The following NXPE4 variants were observed in gnomAD, a reference collection of about 807,000 sequenced individuals.
NXPE4 encodes the protein neurexophilin and PC-esterase domain family member 4.
Under a neutral mutation model 33.3 loss-of-function variants are expected in NXPE4, and 42 were observed. The observed-to-expected ratio is 1.26, with a 90% confidence interval of 0.98 to 1.63. The LOEUF (loss-of-function observed/expected upper bound fraction) is 1.63. NXPE4 is among the 40% of genes most tolerant of loss of function. NXPE4 has a pLI of 0.00. For synonymous variants in NXPE4, 253 were observed against 234.9 expected, an observed-to-expected ratio of 1.08 and a Z score of -0.71; for missense variants, 709 against 647.6, an observed-to-expected ratio of 1.09 and a Z score of -1.03.
At chr11:114,604,123 C>T in the NXPE4 span, among the ~76,000 whole-genome samples, 1 of 152,006 alleles carries the variant, frequency 6.6e-6, no homozygotes, top group Admixed American at 6.6e-5. Context: ...TAAGTATTGC[C>T]TCATAGGTAA....
chr11:114,644,411 T>C, the NXPE4 span, among the ~76,000 whole-genome samples: 2 of 152,190 alleles, frequency 1.3e-5, no homozygotes, highest in African/African-American at 2.4e-5. Context: ...TTGCTCTTAT[T>C]ATTTTGAGAT....
intron 5 of NXPE4, among the ~76,000 whole-genome samples, chr11:114,579,776 G>T (rs1949093231): frequency 6.6e-6 from 1 of 152,204 alleles, no homozygotes; most frequent in Admixed American, 6.5e-5. Context: ...AACCCAGGTT[G>T]TCTGGTTCTA....
At chr11:114,584,897 T>C (rs111623387) in intron 2 of NXPE4, among the ~76,000 whole-genome samples, 98 of 152,298 alleles carry the variant, frequency 6.4e-4, no homozygotes, top group African/African-American at 2.3e-3. Flanking sequence ...CCTTGCCACC[T>C]ATCCCTCTGC....
chr11:114,589,318 C>T (rs565450989), intron 2 of NXPE4, among the ~76,000 whole-genome samples: 1 of 152,092 alleles, frequency 6.6e-6, no homozygotes, highest in East Asian at 1.9e-4. Flanking sequence ...CACAGGAGGC[C>T]CAGGTAATTC....
At chr11:114,607,885 C>T in the NXPE4 span, among the ~76,000 whole-genome samples, 3 of 146,008 alleles carry the variant, frequency 2.1e-5, no homozygotes, top group East Asian at 4.2e-4. Context: ...ATAGTAAGTA[C>T]TGCCTCGTGG....
intron 2 of NXPE4, among the ~76,000 whole-genome samples, chr11:114,585,561 C>A (rs954886749): frequency 6.6e-6 from 1 of 151,750 alleles, no homozygotes; most frequent in African/African-American, 2.4e-5. Context: ...ATAAAGAGAT[C>A]AATTCATCAA....
the NXPE4 span, among the ~76,000 whole-genome samples, chr11:114,631,013 G>A: frequency 6.6e-6 from 1 of 151,228 alleles, no homozygotes; most frequent in African/African-American, 2.4e-5. Context: ...TCATTAAAAA[G>A]TCAGGAAACA....
At chr11:114,601,757 A>G in the NXPE4 span, among the ~76,000 whole-genome samples, 1 of 72,552 alleles carries the variant, frequency 1.4e-5, no homozygotes, top group Non-Finnish European at 2.4e-5. Flanking sequence ...TATATAATAT[A>G]TATGTGATTA....
intron 5 of NXPE4, among the ~76,000 whole-genome samples, chr11:114,574,309 A>C (rs1378851752): frequency 1.3e-5 from 2 of 152,078 alleles, no homozygotes; most frequent in Non-Finnish European, 2.9e-5. Flanking sequence ...AACTGGAGAA[A>C]CAAGAATAAT....
chr11:114,626,215 TG>T, the NXPE4 span, among the ~76,000 whole-genome samples: 3 of 152,178 alleles, frequency 2.0e-5, no homozygotes, highest in African/African-American at 7.2e-5. Flanking sequence ...GCTCCACCTC[TG>T]GGGGCAGGGC....
intron 2 of NXPE4, among the ~76,000 whole-genome samples, chr11:114,589,115 T>G (rs557229284): frequency 6.6e-6 from 1 of 151,884 alleles, no homozygotes; most frequent in Non-Finnish European, 1.5e-5. Flanking sequence ...TCAGAGGACT[T>G]TAAAAAGGAT....
chr11:114,617,421 C>A, the NXPE4 span, among the ~76,000 whole-genome samples: 1 of 151,732 alleles, frequency 6.6e-6, no homozygotes, highest in South Asian at 2.1e-4. Flanking sequence ...ACCACTGTTA[C>A]CGGGTGGATA....
the NXPE4 span, among the ~76,000 whole-genome samples, chr11:114,638,441 G>C: frequency 6.6e-6 from 1 of 151,856 alleles, no homozygotes; most frequent in African/African-American, 2.4e-5. Context: ...TAGTTTGATT[G>C]TCTGAAGCCT....
intron 5 of NXPE4, among the ~76,000 whole-genome samples, chr11:114,572,456 A>G (rs581199): frequency 0.013 from 1,906 of 152,296 alleles, 45 homozygotes; most frequent in African/African-American, 0.043. Flanking sequence ...TCCAACTTAA[A>G]TTAAAAACAT....
rs543768356 is a variant in NXPE4, at chr11:114,595,060, AG to A, written c.-10-292del. Among the ~76,000 whole-genome samples, 8 of 152,254 alleles carry A rather than the reference AG, an allele frequency of 5.3e-5. No homozygotes were observed. The South Asian group carries it at 1.7e-3, about 32-fold the overall frequency. On this transcript the variant is annotated intron_variant, in intron 1 of 5. Coordinates refer to ENST00000375478, the MANE Select transcript of NXPE4 (RefSeq NM_001077639.2). ...GAAGGATGCAAGCTTGCTCGTGTCTAGATGAAGTCTCCAGACTATTTGTCAC... is the reference window on the plus strand; with the variant it reads ...GAAGGATGCAAGCTTGCTCGTGTCTAATGAAGTCTCCAGACTATTTGTCAC...
chr11:114,582,341 AG>A lies in NXPE4; in HGVS notation c.776del (p.Ser259LeufsTer24). On this transcript the variant is annotated frameshift_variant, in exon 3 of 6. Coordinates refer to ENST00000375478, the MANE Select transcript of NXPE4 (RefSeq NM_001077639.2). LOFTEE classifies it high-confidence loss of function. ...TAAGATAAGAAACTTTCTTGTTCTT[AG>A]AATACATGTGAGTGAGTGCAGCACA... is the stretch of plus-strand genomic sequence containing the variant. ...MPCAALTHMY[S>X]KNKKVSYLSK... is the part of the protein sequence containing the mutation. The A allele has an allele frequency of 6.2e-7, 1 of 1,603,778 alleles. No homozygotes were observed. The highest frequency in any genetic ancestry group is 8.5e-7 in the Non-Finnish European group (1 of 1,174,262).
chr11:114,631,684 G>T, the NXPE4 span, among the ~76,000 whole-genome samples: 1 of 150,942 alleles, frequency 6.6e-6, no homozygotes. Flanking sequence ...TATAAAAAAA[G>T]TATTGCCTCG....
At chr11:114,619,670 G>A in the NXPE4 span, among the ~76,000 whole-genome samples, 3 of 152,062 alleles carry the variant, frequency 2.0e-5, no homozygotes, top group Non-Finnish European at 2.9e-5. Context: ...GTTGCCTTGT[G>A]GGTAACCACT....
At chr11:114,661,426 C>T in the NXPE4 span, among the ~76,000 whole-genome samples, 1 of 152,112 alleles carries the variant, frequency 6.6e-6, no homozygotes, top group Non-Finnish European at 1.5e-5. Context: ...CAAAGGTAAA[C>T]AGAATCCTAG....
Sources: gnomAD v4.1 joint callset for allele counts (sites outside exome capture counted in the v4.1 genomes callset) on GRCh38, gnomAD v4.1.1 for gene constraint, MANE v1.5 for transcripts, NCBI Gene and HGNC (gene_info 2026-07-23, HGNC 2026-07-21) for gene names.